GINS1: variants seen among roughly 807,000 people sequenced by gnomAD.
GINS1 encodes the protein DNA replication complex GINS protein PSF1.
GINS1 carries 26 observed loss-of-function variants against 34.9 expected under a neutral mutation model. The observed-to-expected ratio is 0.74, with a 90% CI of 0.55 to 1.03. The LOEUF (loss-of-function observed/expected upper bound fraction) is 1.03, where lower values mean the gene tolerates loss of function less well. GINS1 is among the 50% of genes least tolerant of loss of function. GINS1 has a pLI of 0.00. For missense variants in GINS1, 235 were observed against 237.9 expected (o/e 0.99, Z 0.08); for synonymous variants, 97 against 84.4 (o/e 1.15, Z -0.82).
chr20:25,424,245 CT>C (rs1175638386), intron 4 of GINS1, among the ~76,000 whole-genome samples: 1 of 152,198 alleles, frequency 6.6e-6, no homozygotes, highest in East Asian at 1.9e-4. Flanking sequence ...CCATCTTGTT[CT>C]TTTTTGAGAG....
intron 6 of GINS1, among the ~76,000 whole-genome samples, chr20:25,445,682 C>T (rs762158323): frequency 5.9e-5 from 9 of 152,060 alleles, no homozygotes; most frequent in Non-Finnish European, 1.2e-4. Flanking sequence ...GCGGTTTCTC[C>T]ATGTTGGTTA....
intron 4 of GINS1, chr20:25,420,761 G>C: frequency 5.6e-6 from 3 of 534,210 alleles, no homozygotes; most frequent in Non-Finnish European, 7.0e-6. Flanking sequence ...TGGTCTGGGA[G>C]AGAGAGTGAG....
chr20:25,447,472 T>G lies in GINS1; in HGVS notation c.*1481T>G, dbSNP rs542104319. Reference sequence around the variant, plus strand: ...GCCCTTTGCTCTATCACCTTTGCATTTTTGTTAAAAAGTAGTTGTCAATGT... The same window carrying G: ...GCCCTTTGCTCTATCACCTTTGCATGTTTGTTAAAAAGTAGTTGTCAATGT... On this transcript the variant is annotated 3_prime_UTR_variant, in exon 7 of 7. Coordinates refer to ENST00000262460, the MANE Select transcript of GINS1 (RefSeq NM_021067.5). 1 of 152,376 alleles carries G rather than the reference T, an allele frequency of 6.6e-6. No individual in the cohort carries two copies. Among genetic ancestry groups the G allele is most frequent in the South Asian group, 2.1e-4 (1 of 4,830 alleles). The allele number at this position is 152,376 out of a possible 1,614,324, so 9.4% of individuals were successfully genotyped here.
intron 5 of GINS1, among the ~76,000 whole-genome samples, chr20:25,432,151 C>T (rs1227518087): frequency 6.6e-6 from 1 of 151,300 alleles, no homozygotes; most frequent in African/African-American, 2.4e-5. Flanking sequence ...GAATTGCAGG[C>T]GTGAGCCACC....
chr20:25,434,541 G>T (rs2090444031), intron 5 of GINS1, among the ~76,000 whole-genome samples: 1 of 152,002 alleles, frequency 6.6e-6, no homozygotes, highest in African/African-American at 2.4e-5. Context: ...TTGAACGCCT[G>T]GGCTCAATCA....
At chr20:25,421,697 A>C (rs957480175) in intron 4 of GINS1, among the ~76,000 whole-genome samples, 8 of 152,178 alleles carry the variant, frequency 5.3e-5, no homozygotes, top group African/African-American at 1.4e-4. Flanking sequence ...AAACTAAAAA[A>C]TTTGTGACTA....
chr20:25,419,550 T>C (rs924654993), intron 4 of GINS1: 7 of 289,900 alleles, frequency 2.4e-5, no homozygotes, highest in Non-Finnish European at 3.7e-5. Flanking sequence ...AATCTACTTA[T>C]ATTAATTGAA....
intron 5 of GINS1, among the ~76,000 whole-genome samples, chr20:25,435,525 C>T (rs566665786): frequency 6.0e-4 from 91 of 151,794 alleles, no homozygotes; most frequent in Admixed American, 1.8e-3. Flanking sequence ...TTTTGGAGGC[C>T]GAGGCAGGCA....
chr20:25,411,636 C>CA (rs111972920), intron 1 of GINS1, among the ~76,000 whole-genome samples: 342 of 142,748 alleles, frequency 2.4e-3, no homozygotes, highest in African/African-American at 5.5e-3. Context: ...CTGTCTCTAC[C>CA]AAAAAAAAAA....
At chr20:25,419,312 C>G (rs1165001712) in intron 4 of GINS1, among the ~76,000 whole-genome samples, 2 of 150,838 alleles carry the variant, frequency 1.3e-5, no homozygotes, top group Non-Finnish European at 2.9e-5. Flanking sequence ...AACAAACCTG[C>G]ACGTTCAGCA....
intron 1 of GINS1, among the ~76,000 whole-genome samples, chr20:25,409,559 T>A (rs2090270445): frequency 1.3e-5 from 2 of 151,898 alleles, no homozygotes; most frequent in South Asian, 4.1e-4. Flanking sequence ...GGAGATAGAG[T>A]GTGTTGGGAA....
intron 6 of GINS1, among the ~76,000 whole-genome samples, chr20:25,442,259 T>C (rs1295324394): frequency 6.6e-6 from 1 of 152,212 alleles, no homozygotes; most frequent in Non-Finnish European, 1.5e-5. Flanking sequence ...AACAATTTAA[T>C]AGAGGAAGAT....
At chr20:25,411,718 G>A (rs1441100693) in intron 1 of GINS1, among the ~76,000 whole-genome samples, 1 of 152,078 alleles carries the variant, frequency 6.6e-6, no homozygotes, top group Non-Finnish European at 1.5e-5. Context: ...TGAGGTGGGT[G>A]GATTGCCTGA....
chr20:25,408,696 A>G (rs2090263534), intron 1 of GINS1, among the ~76,000 whole-genome samples: 1 of 152,086 alleles, frequency 6.6e-6, no homozygotes, highest in Non-Finnish European at 1.5e-5. Flanking sequence ...CCCAAACAAA[A>G]CAAAAATAAC....
At chr20:25,409,549 G>T (rs1345230461) in intron 1 of GINS1, among the ~76,000 whole-genome samples, 2 of 152,224 alleles carry the variant, frequency 1.3e-5, no homozygotes, top group Non-Finnish European at 2.9e-5. Context: ...TCAGAGTTCA[G>T]GAGATAGAGT....
chr20:25,414,189 C>CAAAAAAA (rs58400500), intron 2 of GINS1, among the ~76,000 whole-genome samples: 2 of 67,652 alleles, frequency 3.0e-5, no homozygotes, highest in African/African-American at 1.1e-4. Context: ...ACTCTGTCTC[C>CAAAAAAA]AAAAAAAAAA....
At chr20:25,413,978 T>G (rs2146190429) in intron 2 of GINS1, 124 bp downstream of exon 2, 1 of 603,036 alleles carries the variant, frequency 1.7e-6, no homozygotes, top group Non-Finnish European at 3.0e-6. Context: ...GATTACGAGG[T>G]CAGGAGTTTG....
At chr20:25,418,055 G>T (rs370787893) in intron 3 of GINS1, 50 bp from the exon 4 acceptor site, 2 of 986,220 alleles carry the variant, frequency 2.0e-6, no homozygotes, top group Non-Finnish European at 3.3e-6. Context: ...AAGTCCACAC[G>T]TGATCCCCCG....
intron 5 of GINS1, among the ~76,000 whole-genome samples, chr20:25,435,467 A>G (rs561133785): frequency 1.3e-5 from 2 of 152,182 alleles, no homozygotes; most frequent in Non-Finnish European, 2.9e-5. Flanking sequence ...GCTAATTTTT[A>G]AAGTTTTTGG....
Sources: gnomAD v4.1 joint callset for allele counts (sites outside exome capture counted in the v4.1 genomes callset) on GRCh38, gnomAD v4.1.1 for gene constraint, MANE v1.5 for transcripts, NCBI Gene and HGNC (gene_info 2026-07-23, HGNC 2026-07-21) for gene names.